The following GFRA2 variants were observed in gnomAD, a reference collection of about 807,000 sequenced individuals.
The protein encoded by GFRA2 is GDNF family receptor alpha-2.
Under a neutral mutation model 48.3 loss-of-function variants are expected in GFRA2, and 17 were observed. The ratio of observed to expected loss-of-function variants is 0.35; its 90% confidence interval spans 0.24 to 0.53. The LOEUF (loss-of-function observed/expected upper bound fraction) is 0.53, where lower values mean the gene tolerates loss of function less well. GFRA2 is among the 20% of genes least tolerant of loss of function. The pLI is 0.93. For missense variants in GFRA2, 660 were observed against 637.3 expected (o/e 1.04, Z -0.38); for synonymous variants, 305 against 257.2 (o/e 1.19, Z -1.78).
At chr8:21,784,345 C>A (rs1303739551) in intron 1 of GFRA2, 2 of 456,118 alleles carry the variant, frequency 4.4e-6, no homozygotes, top group South Asian at 3.1e-5. Context: ...TTTCCTGGAC[C>A]GAAAGAGTAA....
At chr8:21,766,446 G>A (rs868377074) in intron 3 of GFRA2, among the ~76,000 whole-genome samples, 13 of 151,992 alleles carry the variant, frequency 8.6e-5, no homozygotes, top group Middle Eastern at 3.4e-3. Flanking sequence ...GGCATGGCCC[G>A]CAGAGGGTGC....
chr8:21,744,804 C>G (rs1256069931), intron 4 of GFRA2, among the ~76,000 whole-genome samples: 6 of 152,158 alleles, frequency 3.9e-5, no homozygotes, highest in African/African-American at 1.4e-4. Context: ...GCTCACTTAG[C>G]TTAAGTCCAC....
intron 4 of GFRA2, among the ~76,000 whole-genome samples, chr8:21,724,518 AG>A (rs1803763218): frequency 6.6e-6 from 1 of 152,192 alleles, no homozygotes; most frequent in Non-Finnish European, 1.5e-5. Flanking sequence ...TAGGTCTGCA[AG>A]TAATGGACTG....
At chr8:21,767,004 A>T (rs1806193638) in intron 3 of GFRA2, among the ~76,000 whole-genome samples, 1 of 129,724 alleles carries the variant, frequency 7.7e-6, no homozygotes, top group Non-Finnish European at 1.7e-5. Flanking sequence ...CACAACCTAC[A>T]TACACCAGCA....
chr8:21,765,204 C>T (rs927073138), intron 3 of GFRA2, among the ~76,000 whole-genome samples: 1 of 152,080 alleles, frequency 6.6e-6, no homozygotes, highest in Non-Finnish European at 1.5e-5. Context: ...CTTGACCTCA[C>T]GGGCTCAAGC....
intron 3 of GFRA2, among the ~76,000 whole-genome samples, chr8:21,758,456 C>A (rs1315109110): frequency 6.6e-6 from 1 of 152,146 alleles, no homozygotes; most frequent in East Asian, 1.9e-4. Flanking sequence ...GTTTTAACCA[C>A]CCTTCCTGCC....
Position 21,691,678 on chromosome 8 carries a change from C to A in GFRA2, c.*1600G>T, listed in dbSNP as rs1209481267. ...CCCAACGTGTGATGCCAAGCTGTGG[C>A]TCCCCACCACGTCCACGTCCACTGC... is the stretch of plus-strand genomic sequence containing the variant. On this transcript the variant is annotated 3_prime_UTR_variant, in exon 9 of 9. Coordinates refer to ENST00000524240, the MANE Select transcript of GFRA2 (RefSeq NM_001495.5). The A allele has an allele frequency of 6.6e-6, 1 of 152,284 alleles. No homozygotes were observed. 9.4% of individuals were successfully genotyped at this position (152,284 alleles called of 1,614,324 possible). A position where few individuals can be genotyped will look rare whatever the true frequency, so the allele number is the denominator to read the frequency against.
chr8:21,781,142 C>T (rs1215335740), intron 2 of GFRA2, among the ~76,000 whole-genome samples: 4 of 152,026 alleles, frequency 2.6e-5, no homozygotes, highest in African/African-American at 4.8e-5. Flanking sequence ...TTTTTCCTTC[C>T]TTGCCACTGT....
chr8:21,701,347 TCG>T (rs1802466345), intron 7 of GFRA2, among the ~76,000 whole-genome samples: 1 of 152,130 alleles, frequency 6.6e-6, no homozygotes, highest in South Asian at 2.1e-4. Context: ...TGAGCCGAGA[TCG>T]CGCCACTGCA....
chr8:21,795,330 G>A (rs34302057), intron 2 of GFRA2, among the ~76,000 whole-genome samples: 56 of 151,958 alleles, frequency 3.7e-4, no homozygotes, highest in Non-Finnish European at 7.5e-4. Flanking sequence ...TCCCTTCTCA[G>A]ACAACAAACT....
At position 21,782,611 on chromosome 8, in the gene GFRA2, C is replaced by T; in HGVS notation, c.329G>A (p.Trp110Ter). 1 of 1,584,062 alleles carries T rather than the reference C, an allele frequency of 6.3e-7. No homozygotes were observed. The highest frequency in any genetic ancestry group is 1.8e-5 in the Admixed American group (1 of 56,014). ...KKELQCLQIY[W>*]SIHLGLTEGE... ...CTCGGTCAGCCCCAGGTGGATGCTC[C>T]AGTAGATCTGCAGACACTGCAGCTC... Residue 110 changes from tryptophan (W) to a stop codon, truncating the protein, a stop_gained, in exon 2 of 9, where the codon TGG becomes TAG. Transcript: ENST00000524240. LOFTEE classifies it high-confidence loss of function.
chr8:21,733,194 C>A (rs11786395), intron 4 of GFRA2, among the ~76,000 whole-genome samples: 7 of 152,062 alleles, frequency 4.6e-5, no homozygotes, highest in Non-Finnish European at 1.0e-4. Context: ...TGAAATGTTC[C>A]GCATCCCAGG....
chr8:21,718,123 T>G (rs550864061), intron 4 of GFRA2, among the ~76,000 whole-genome samples: 2 of 152,356 alleles, frequency 1.3e-5, no homozygotes, highest in East Asian at 3.9e-4. Flanking sequence ...AAATCTCATC[T>G]TGAATTCCCA....
intron 4 of GFRA2, among the ~76,000 whole-genome samples, chr8:21,715,278 T>C (rs2117417855): frequency 6.6e-6 from 1 of 152,288 alleles, no homozygotes; most frequent in African/African-American, 2.4e-5. Flanking sequence ...GGAAGAGGAC[T>C]TCCTCGTTGG....
intron 4 of GFRA2, among the ~76,000 whole-genome samples, chr8:21,723,468 T>C (rs956594988): frequency 6.6e-6 from 1 of 152,002 alleles, no homozygotes; most frequent in East Asian, 1.9e-4. Flanking sequence ...GAGCAGGAAA[T>C]AGATCCCAGC....
intron 2 of GFRA2, 127 bp from the exon 3 acceptor site, chr8:21,775,182 G>A: frequency 1.6e-6 from 1 of 640,256 alleles, no homozygotes; most frequent in Non-Finnish European, 2.9e-6. Context: ...ATAAGAGACA[G>A]GGCAGCCCTT....
intron 2 of GFRA2, among the ~76,000 whole-genome samples, chr8:21,803,904 T>C (rs1807813373): frequency 2.6e-5 from 4 of 152,200 alleles, no homozygotes; most frequent in Non-Finnish European, 5.9e-5. Flanking sequence ...CCACTGTGCA[T>C]GGCCCATAGC....
intron 3 of GFRA2, among the ~76,000 whole-genome samples, chr8:21,768,472 C>G (rs1391367416): frequency 6.6e-6 from 1 of 152,164 alleles, no homozygotes; most frequent in African/African-American, 2.4e-5. Context: ...TGAGAGGCAC[C>G]AGCCCGACCT....
chr8:21,750,555 T>C lies in GFRA2; in HGVS notation c.794+33A>G. 1 of 1,330,842 alleles carries C rather than the reference T, an allele frequency of 7.5e-7. No homozygotes were observed. Among genetic ancestry groups the C allele is most frequent in the East Asian group, 2.5e-5 (1 of 40,246 alleles). The allele number at this position is 1,330,842 out of a possible 1,614,324, so 82.4% of individuals were successfully genotyped here. On this transcript the variant is annotated intron_variant, in intron 4 of 8. Coordinates refer to ENST00000524240, the MANE Select transcript of GFRA2 (RefSeq NM_001495.5). The surrounding 1 kb of genome is among the most constrained non-coding windows in gnomAD (Gnocchi z 5.7). ...CAGCCTGGCAATGCAAGCGCCCTCC[T>C]GCCAGCACCACCGGGGCTGCCGCGG...
Sources: gnomAD v4.1 joint callset for allele counts (sites outside exome capture counted in the v4.1 genomes callset) on GRCh38, gnomAD v4.1.1 for gene constraint, Gnocchi (gnomAD v3.1) non-coding constraint, MANE v1.5 for transcripts, NCBI Gene and HGNC (gene_info 2026-07-23, HGNC 2026-07-21) for gene names.